KCNQ5: variants seen among roughly 807,000 people sequenced by gnomAD.
KCNQ5 encodes potassium voltage-gated channel subfamily Q member 5.
A neutral mutation model predicts 98.2 loss-of-function variants in KCNQ5; 30 were observed. That is an observed-to-expected ratio of 0.31 (90% CI 0.23 to 0.41). KCNQ5 has a LOEUF of 0.41. Ranked by LOEUF, KCNQ5 falls within the 10% of genes least tolerant of loss-of-function variation. KCNQ5 has a pLI of 1.00. For missense variants in KCNQ5, 835 were observed against 1,182.5 expected (o/e 0.71, Z 4.31); for synonymous variants, 458 against 449.4 (o/e 1.02, Z -0.24).
chr6:73,033,256 T>C (rs1771231768), intron 2 of KCNQ5, among the ~76,000 whole-genome samples: 1 of 152,102 alleles, frequency 6.6e-6, no homozygotes, highest in Non-Finnish European at 1.5e-5. Context: ...ATGGCCTCAA[T>C]ACCTGATAAA....
intron 1 of KCNQ5, among the ~76,000 whole-genome samples, chr6:72,938,982 A>G (rs1250182178): frequency 3.3e-5 from 5 of 152,234 alleles, no homozygotes; most frequent in African/African-American, 1.2e-4. Flanking sequence ...GCTCTATTGT[A>G]AGACATACAA....
intron 1 of KCNQ5, among the ~76,000 whole-genome samples, chr6:72,714,604 C>T (rs1195313607): frequency 6.6e-6 from 1 of 152,094 alleles, no homozygotes; most frequent in Non-Finnish European, 1.5e-5. Context: ...ATGAAAATAT[C>T]TTTTTATCAT....
chr6:73,158,450 A>G (rs536818163), intron 10 of KCNQ5, among the ~76,000 whole-genome samples: 35 of 151,972 alleles, frequency 2.3e-4, no homozygotes, highest in African/African-American at 7.7e-4. Flanking sequence ...TCTTTTTAGT[A>G]GAGACGGGGT....
intron 1 of KCNQ5, among the ~76,000 whole-genome samples, chr6:72,952,192 A>G (rs1766838483): frequency 6.6e-6 from 1 of 152,242 alleles, no homozygotes; most frequent in East Asian, 1.9e-4. Context: ...CCAACTTCAA[A>G]GTTTGACTTC....
At chr6:73,025,672 G>A (rs546767249) in intron 2 of KCNQ5, among the ~76,000 whole-genome samples, 7 of 141,980 alleles carry the variant, frequency 4.9e-5, no homozygotes, top group South Asian at 4.4e-4. Context: ...CAAGTGTTCC[G>A]AATTCCCATT....
At chr6:72,740,443 G>T (rs1417433524) in intron 1 of KCNQ5, among the ~76,000 whole-genome samples, 1 of 152,100 alleles carries the variant, frequency 6.6e-6, no homozygotes, top group Non-Finnish European at 1.5e-5. Flanking sequence ...TGTTACATTT[G>T]CCATGAGTAC....
intron 1 of KCNQ5, among the ~76,000 whole-genome samples, chr6:72,831,207 C>G (rs906864159): frequency 3.9e-5 from 6 of 152,134 alleles, no homozygotes; most frequent in Non-Finnish European, 4.4e-5. Context: ...AATACCATTT[C>G]ACCCAGCCAT....
chr6:72,663,822 C>G (rs887299373), intron 1 of KCNQ5, among the ~76,000 whole-genome samples: 3 of 152,028 alleles, frequency 2.0e-5, no homozygotes, highest in Non-Finnish European at 4.4e-5. Flanking sequence ...AAAAGTACTT[C>G]TAGTGTTCTC....
chr6:72,741,746 G>C (rs1040816487), intron 1 of KCNQ5, among the ~76,000 whole-genome samples: 1 of 152,082 alleles, frequency 6.6e-6, no homozygotes, highest in Non-Finnish European at 1.5e-5. Flanking sequence ...ATTAAGAAAA[G>C]AACGATTCAG....
At chr6:72,631,256 T>C (rs996578787) in intron 1 of KCNQ5, among the ~76,000 whole-genome samples, 1 of 152,168 alleles carries the variant, frequency 6.6e-6, no homozygotes, top group African/African-American at 2.4e-5. Flanking sequence ...ATTCCAACTA[T>C]AAATGTACAG....
At chr6:72,793,154 G>A (rs1774149963) in intron 1 of KCNQ5, among the ~76,000 whole-genome samples, 1 of 152,240 alleles carries the variant, frequency 6.6e-6, no homozygotes, top group African/African-American at 2.4e-5. Context: ...AAGCCTGTTT[G>A]TAATCATCTG....
At chr6:73,014,033 C>G (rs1770201817) in intron 2 of KCNQ5, among the ~76,000 whole-genome samples, 1 of 152,116 alleles carries the variant, frequency 6.6e-6, no homozygotes, top group Non-Finnish European at 1.5e-5. Flanking sequence ...AGCCCCAGTT[C>G]ACTTTGCTCA....
chr6:72,937,707 ATG>A (rs1482005330), intron 1 of KCNQ5, among the ~76,000 whole-genome samples: 3 of 152,178 alleles, frequency 2.0e-5, no homozygotes, highest in East Asian at 3.8e-4. Flanking sequence ...CAAGAGAAAA[ATG>A]TGTGTTACTC....
intron 1 of KCNQ5, among the ~76,000 whole-genome samples, chr6:72,904,666 T>C (rs1296716446): frequency 1.3e-5 from 2 of 152,188 alleles, no homozygotes; most frequent in African/African-American, 2.4e-5. Context: ...GATAATTGTT[T>C]TGTTTGAAGA....
At chr6:72,941,625 C>CTT (rs1766306039) in intron 1 of KCNQ5, among the ~76,000 whole-genome samples, 1 of 125,414 alleles carries the variant, frequency 8.0e-6, no homozygotes, top group Non-Finnish European at 1.8e-5. Flanking sequence ...CTGACTTCCT[C>CTT]CCCTCCCTCC....
chr6:73,060,536 T>C (rs1343808384), intron 3 of KCNQ5, among the ~76,000 whole-genome samples: 2 of 152,154 alleles, frequency 1.3e-5, no homozygotes, highest in East Asian at 3.9e-4. Flanking sequence ...AATACAAAAG[T>C]CATAGGAGAA....
chr6:72,821,769 G>A (rs1775762811), intron 1 of KCNQ5, among the ~76,000 whole-genome samples: 1 of 151,872 alleles, frequency 6.6e-6, no homozygotes, highest in Non-Finnish European at 1.5e-5. Flanking sequence ...CTCCTCTTCT[G>A]TTGCATTTCT....
At chr6:73,041,081 T>C (rs1351351041) in intron 2 of KCNQ5, among the ~76,000 whole-genome samples, 1 of 152,194 alleles carries the variant, frequency 6.6e-6, no homozygotes. Context: ...GGAAAAACAA[T>C]TTTGATAAAT....
Position 73,042,182 on chromosome 6 carries a change from C to T in KCNQ5, c.616+120C>T, listed in dbSNP as rs575534029. ...CATCCATGGAGTACTTATCATGGACCGGGCACTCTTGTGTCTTGAAAATGT... is the reference window on the plus strand; with the variant it reads ...CATCCATGGAGTACTTATCATGGACTGGGCACTCTTGTGTCTTGAAAATGT... On this transcript the variant is annotated intron_variant, in intron 3 of 13. Coordinates refer to ENST00000370398, the MANE Select transcript of KCNQ5 (RefSeq NM_019842.4). 52 of 1,148,346 alleles carry T rather than the reference C, an allele frequency of 4.5e-5. No homozygotes were observed. In the African/African-American group the frequency reaches 4.9e-4, roughly 11 times the overall value. The allele number at this position is 1,148,346 out of a possible 1,614,324, so 71.1% of individuals were successfully genotyped here.
Sources: allele counts gnomAD v4.1 joint callset (sites outside exome capture counted in the v4.1 genomes callset), GRCh38; gene constraint gnomAD v4.1.1; transcripts MANE v1.5; gene names NCBI Gene and HGNC (gene_info 2026-07-23, HGNC 2026-07-21).